The following CAMK2D variants were observed in gnomAD, a reference collection of about 807,000 sequenced individuals.
CAMK2D encodes calcium/calmodulin dependent protein kinase II delta.
A neutral mutation model predicts 84.0 loss-of-function variants in CAMK2D; 37 were observed. The observed-to-expected ratio is 0.44, with a 90% CI of 0.34 to 0.58. The LOEUF (loss-of-function observed/expected upper bound fraction) is 0.58. CAMK2D is among the 20% of genes least tolerant of loss of function. The probability of loss-of-function intolerance (pLI) is 0.02; values close to 1 mark genes in which losing one functional copy is unlikely to be tolerated. For missense variants in CAMK2D, 448 were observed against 652.5 expected (o/e 0.69, Z 3.41); for synonymous variants, 202 against 212.5 (o/e 0.95, Z 0.43).
chr4:113,551,831 T>C (rs1308840998), intron 5 of CAMK2D, among the ~76,000 whole-genome samples, 200 bp downstream of exon 5: 2 of 152,186 alleles, frequency 1.3e-5, no homozygotes, highest in East Asian at 1.9e-4. Context: ...TTTTCCTTGT[T>C]GTTTTTGATA....
Position 113,687,649 on chromosome 4 carries a change from C to T in CAMK2D, c.161-25877G>A, listed in dbSNP as rs1353988154. On this transcript the variant is annotated intron_variant, in intron 2 of 20. Coordinates refer to ENST00000511664, the MANE Select transcript of CAMK2D (RefSeq NM_001321571.2). ...ACTTTCGGTCTCTAAGGGTTTTTAT[C>T]TGGCACATCCTTCATATGAAATAAC... is the stretch of plus-strand genomic sequence containing the variant. Among the ~76,000 whole-genome samples the T allele has an allele frequency of 2.6e-5, 4 of 152,218 alleles. 1 individual carries two copies. The highest frequency in any genetic ancestry group is 1.3e-4 in the Admixed American group (2 of 15,288).
intron 4 of CAMK2D, among the ~76,000 whole-genome samples, chr4:113,573,308 GGTTGTTT>G (rs1190361849): frequency 6.6e-6 from 1 of 152,132 alleles, no homozygotes; most frequent in Non-Finnish European, 1.5e-5. Flanking sequence ...TCAAGAGCTG[GGTTGTTT>G]GTTGTTTGAG....
chr4:113,666,441 C>T lies in CAMK2D; in HGVS notation c.161-4669G>A, dbSNP rs554098591. Among the ~76,000 whole-genome samples the T allele has an allele frequency of 2.6e-5, 4 of 152,180 alleles. No homozygotes were observed. In the South Asian group the frequency reaches 6.2e-4, roughly 24 times the overall value. On this transcript the variant is annotated intron_variant, in intron 2 of 20. Transcript: ENST00000511664. The stretch of plus-strand genomic sequence containing the variant: ...CTCTCCTGTAATCCAGTGAAGTCCT[C>T]AGAGGCTACAGAGGTGTGAAAACCC...
chr4:113,515,097 G>C lies in CAMK2D; in HGVS notation c.791C>G (p.Ser264Ter). Reference protein sequence around the residue: ...TINPAKRITASEALKHPWICQ... With the variant: ...TINPAKRITA The stretch of plus-strand genomic sequence containing the variant: ...GATCCATGGGTGCTTCAGTGCCTCT[G>C]AGGCTGTGATGCGTTTGGCAGGGTT... Residue 264 changes from serine (S) to a stop codon, truncating the protein, a stop_gained, in exon 10 of 21, where the codon TCA (serine) becomes TGA (stop). Coordinates refer to ENST00000511664, the MANE Select transcript of CAMK2D (RefSeq NM_001321571.2). LOFTEE classifies it high-confidence loss of function. 6.2e-7 allele frequency: 1 copy of C among 1,613,708 alleles called. No individual in the cohort carries two copies. Among genetic ancestry groups the C allele is most frequent in the Middle Eastern group, 1.7e-4 (1 of 6,058 alleles).
chr4:113,738,139 G>T (rs953028307), intron 2 of CAMK2D, among the ~76,000 whole-genome samples: 1 of 148,892 alleles, frequency 6.7e-6, no homozygotes, highest in Non-Finnish European at 1.5e-5. Context: ...TATAAAAGAA[G>T]TGATAAATCA....
chr4:113,634,877 T>C (rs1025297495), intron 3 of CAMK2D, among the ~76,000 whole-genome samples: 1 of 152,186 alleles, frequency 6.6e-6, no homozygotes, highest in Admixed American at 6.5e-5. Flanking sequence ...CTTGAACTTA[T>C]AGGATCTTTG....
At chr4:113,521,823 G>C (rs2098363941) in intron 8 of CAMK2D, among the ~76,000 whole-genome samples, 1 of 151,942 alleles carries the variant, frequency 6.6e-6, no homozygotes, top group African/African-American at 2.4e-5. Flanking sequence ...GTTTCAATTT[G>C]GTTAAGATAA....
chr4:113,746,721 C>T (rs191094736), intron 2 of CAMK2D, among the ~76,000 whole-genome samples: 6 of 152,006 alleles, frequency 3.9e-5, no homozygotes, highest in Admixed American at 1.3e-4. Flanking sequence ...GGTAAATAGT[C>T]CTCGTTGACA....
intron 2 of CAMK2D, among the ~76,000 whole-genome samples, chr4:113,663,521 G>A (rs1190016730): frequency 1.3e-5 from 2 of 151,856 alleles, no homozygotes; most frequent in Non-Finnish European, 1.5e-5. Context: ...CCCGGGAGAT[G>A]GATGTTGCAG....
intron 8 of CAMK2D, among the ~76,000 whole-genome samples, chr4:113,527,888 T>A (rs1590762414): frequency 6.6e-6 from 1 of 152,282 alleles, no homozygotes; most frequent in Non-Finnish European, 1.5e-5. Context: ...TTGTCTATCA[T>A]TTTTTATGGT....
intron 4 of CAMK2D, among the ~76,000 whole-genome samples, chr4:113,557,098 G>A (rs2098670072): frequency 6.6e-6 from 1 of 152,034 alleles, no homozygotes; most frequent in African/African-American, 2.4e-5. Flanking sequence ...CTCCAAAACA[G>A]GACTTGAATC....
rs533878927 is a variant in CAMK2D at position 113,520,880 on chromosome 4, T to G, written c.602-3223A>C. Among the ~76,000 whole-genome samples, 4 of 151,926 alleles carry G rather than the reference T, an allele frequency of 2.6e-5. No individual in the cohort carries two copies. In the East Asian group the frequency reaches 7.8e-4, roughly 30 times the overall value. On this transcript the variant is annotated intron_variant, in intron 8 of 20. Coordinates refer to ENST00000511664, the MANE Select transcript of CAMK2D (RefSeq NM_001321571.2). ...CTGTCTCTTCCAAAAATAGAAAAAT[T>G]TAGCCAGGTGTGGTGGAATGCACAG...
intron 4 of CAMK2D, among the ~76,000 whole-genome samples, chr4:113,556,356 G>T (rs148113137): frequency 4.6e-5 from 7 of 152,226 alleles, no homozygotes; most frequent in Non-Finnish European, 8.8e-5. Flanking sequence ...TAAGACAAGG[G>T]GCTCGGAATA....
At chr4:113,524,637 A>G (rs570134082) in intron 8 of CAMK2D, among the ~76,000 whole-genome samples, 3 of 152,220 alleles carry the variant, frequency 2.0e-5, no homozygotes, top group Non-Finnish European at 4.4e-5. Flanking sequence ...GCTTCTTTCA[A>G]TTCTTTTGGA....
rs201377983 is a variant in CAMK2D at position 113,754,681 on chromosome 4, C to CTTT, written c.160+4636_160+4638dup. Reference sequence around the variant, plus strand: ...ATTATTTCCTGGAAGTGTGGATATACTTTTTTTTTTTATTATTTGTGTCTC... The same window carrying CTTT: ...ATTATTTCCTGGAAGTGTGGATATACTTTTTTTTTTTTTTATTATTTGTGTCTC... On this transcript the variant is annotated intron_variant, in intron 2 of 20. Transcript: ENST00000511664. 41 of 810,322 alleles carry CTTT rather than the reference C, an allele frequency of 5.1e-5. No individual in the cohort carries two copies. In the East Asian group the frequency reaches 6.1e-4, roughly 12 times the overall value. The allele number at this position is 810,322 out of a possible 1,614,324, so 50.2% of individuals were successfully genotyped here. A position where few individuals can be genotyped will look rare whatever the true frequency, so the allele number is the denominator to read the frequency against.
chr4:113,495,747 C>T (rs184090219), intron 16 of CAMK2D, among the ~76,000 whole-genome samples: 40 of 152,246 alleles, frequency 2.6e-4, no homozygotes, highest in African/African-American at 9.4e-4. Context: ...GAAGTCTCCA[C>T]ACACAGTCTC....
At position 113,603,971 on chromosome 4, in the gene CAMK2D, T is replaced by G. The variant is rs1375593288; in HGVS notation, c.275+5181A>C. ...TAAAAAGAAAAAAAAAGAAGAAAAT[T>G]TTTTCATAGAACTCATGTTCTTTGT... On this transcript the variant is annotated intron_variant, in intron 4 of 20. Coordinates refer to ENST00000511664, the MANE Select transcript of CAMK2D (RefSeq NM_001321571.2). Among the ~76,000 whole-genome samples the G allele has an allele frequency of 4.0e-5, 6 of 151,066 alleles. No individual in the cohort carries two copies. In the East Asian group the frequency reaches 1.2e-3, roughly 29 times the overall value.
intron 1 of CAMK2D, among the ~76,000 whole-genome samples, chr4:113,759,731 C>A (rs1157451938): frequency 6.6e-6 from 1 of 152,184 alleles, no homozygotes; most frequent in Non-Finnish European, 1.5e-5. Context: ...CTGAGAAAAA[C>A]CCTGCACAGA....
Position 113,452,437 on chromosome 4 carries a change from T to C in CAMK2D, c.*2108A>G, listed in dbSNP as rs2097264040. The C allele has an allele frequency of 6.6e-6, 1 of 152,586 alleles. No homozygotes were observed. Among genetic ancestry groups the C allele is most frequent in the Admixed American group, 6.5e-5 (1 of 15,272 alleles). 9.5% of individuals were successfully genotyped at this position (152,586 alleles called of 1,614,324 possible). ...ACTGTCAGCAGAAATCACAAATTTA[T>C]TAACTCTTAAATATATCAATCAGTC... On this transcript the variant is annotated 3_prime_UTR_variant, in exon 21 of 21. Transcript: ENST00000511664.
Sources: allele counts gnomAD v4.1 joint callset (sites outside exome capture counted in the v4.1 genomes callset), GRCh38; gene constraint gnomAD v4.1.1; transcripts MANE v1.5; gene names NCBI Gene and HGNC (gene_info 2026-07-23, HGNC 2026-07-21).